SRRM4: variants seen among roughly 807,000 people sequenced by gnomAD.
SRRM4 encodes serine/arginine repetitive matrix 4, also known as serine/arginine repetitive matrix protein 4.
In SRRM4, 33 loss-of-function variants were observed where a neutral mutation model predicts 68.9. The observed-to-expected ratio is 0.48, with a 90% CI of 0.36 to 0.64. SRRM4 has a LOEUF of 0.64. Among genes scored for constraint, SRRM4 ranks in the 30% least tolerant of loss-of-function variants. The pLI, the probability that SRRM4 is intolerant of heterozygous loss-of-function variation, is 0.00. For missense variants in SRRM4, 817 were observed against 827.1 expected, an observed-to-expected ratio of 0.99 and a Z score of 0.15; for synonymous variants, 318 against 318.8, an observed-to-expected ratio of 1.00 and a Z score of 0.03.
chr12:119,120,300 C>T (rs1954211332), intron 5 of SRRM4, 24 bp downstream of exon 5: 4 of 1,550,360 alleles, frequency 2.6e-6, no homozygotes, highest in Non-Finnish European at 2.6e-6. Flanking sequence ...TCTCTGACTG[C>T]CTGTTCAATT....
intron 1 of SRRM4, among the ~76,000 whole-genome samples, chr12:119,004,647 A>G (rs1018009885): frequency 6.6e-6 from 1 of 151,900 alleles, no homozygotes; most frequent in African/African-American, 2.4e-5. Flanking sequence ...CAGGCAGGGA[A>G]ATTGATCAGA....
intron 1 of SRRM4, among the ~76,000 whole-genome samples, chr12:119,077,756 T>A (rs1379603319): frequency 6.6e-6 from 1 of 152,172 alleles, no homozygotes; most frequent in East Asian, 1.9e-4. Flanking sequence ...TGGCACACAG[T>A]AGCTATCCCA....
chr12:118,992,888 A>G (rs1305909576), intron 1 of SRRM4, among the ~76,000 whole-genome samples: 1 of 152,202 alleles, frequency 6.6e-6, no homozygotes, highest in African/African-American at 2.4e-5. Context: ...CAGTCCCAAG[A>G]CACCACACTG....
rs1052594846 is a variant in SRRM4, at chr12:119,154,227, C to T, written c.1392-16C>T. 1.9e-6 allele frequency: 3 copies of T among 1,588,496 alleles called. No individual in the cohort carries two copies. Among genetic ancestry groups the T allele is most frequent in the African/African-American group, 2.7e-5 (2 of 74,332 alleles). On this transcript the variant is annotated splice_polypyrimidine_tract_variant and intron_variant, in intron 11 of 12. Coordinates refer to ENST00000267260, the MANE Select transcript of SRRM4 (RefSeq NM_194286.4). This position sits in a 1 kb window ranked among gnomAD's most constrained non-coding sequence, Gnocchi z 4.7. ...GCCCAGCCCCAGCTCCCCAGTAACC[C>T]CCCGCGCCCCTTCAGGGAGCGGGAT...
chr12:119,061,707 G>A (rs1032847711), intron 1 of SRRM4, among the ~76,000 whole-genome samples: 3 of 152,102 alleles, frequency 2.0e-5, no homozygotes, highest in Admixed American at 1.3e-4. Flanking sequence ...CTATAACTTA[G>A]TAGTTAAAAG....
chr12:119,110,337 C>A (rs1315426071), intron 2 of SRRM4, among the ~76,000 whole-genome samples: 1 of 152,196 alleles, frequency 6.6e-6, no homozygotes, highest in Non-Finnish European at 1.5e-5. Context: ...GGGAGAACCA[C>A]TACTATCTTC....
chr12:119,080,291 A>G (rs532396836), intron 1 of SRRM4, among the ~76,000 whole-genome samples: 14 of 152,304 alleles, frequency 9.2e-5, no homozygotes, highest in Admixed American at 2.0e-4. Context: ...AAATAGGAGA[A>G]AAAATATTGT....
intron 8 of SRRM4, among the ~76,000 whole-genome samples, 174 bp downstream of exon 8, chr12:119,131,008 A>G (rs1294635832): frequency 6.6e-6 from 1 of 152,228 alleles, no homozygotes; most frequent in East Asian, 1.9e-4. Context: ...GACTTTGGCA[A>G]CACTGGCTTG....
intron 1 of SRRM4, among the ~76,000 whole-genome samples, chr12:118,996,165 T>A (rs562133118): frequency 5.2e-4 from 79 of 152,248 alleles, no homozygotes; most frequent in Non-Finnish European, 9.0e-4. Context: ...GCTCAAATTA[T>A]TTTTTTCAAG....
intron 1 of SRRM4, among the ~76,000 whole-genome samples, chr12:119,021,437 A>G (rs1404654373): frequency 2.6e-5 from 4 of 152,196 alleles, no homozygotes; most frequent in Non-Finnish European, 5.9e-5. Flanking sequence ...GGTTCAGAGA[A>G]TAAGAACACA....
intron 2 of SRRM4, among the ~76,000 whole-genome samples, chr12:119,108,708 G>A (rs957023432): frequency 4.0e-5 from 6 of 151,828 alleles, no homozygotes; most frequent in Non-Finnish European, 7.4e-5. Context: ...TTGAGCCTAT[G>A]TGTGTCTCTG....
intron 1 of SRRM4, among the ~76,000 whole-genome samples, chr12:119,076,162 T>G (rs1953914901): frequency 1.3e-5 from 2 of 152,244 alleles, no homozygotes; most frequent in South Asian, 4.2e-4. Flanking sequence ...ATGATGATGA[T>G]GATGACAATG....
intron 1 of SRRM4, among the ~76,000 whole-genome samples, chr12:118,985,824 C>T (rs953432216): frequency 6.6e-6 from 1 of 152,130 alleles, no homozygotes; most frequent in African/African-American, 2.4e-5. Flanking sequence ...ATCACCATAT[C>T]GACCAATAGT....
At chr12:118,986,567 G>T (rs150583327) in intron 1 of SRRM4, among the ~76,000 whole-genome samples, 1 of 152,106 alleles carries the variant, frequency 6.6e-6, no homozygotes, top group Non-Finnish European at 1.5e-5. Flanking sequence ...GTTCTGAGAC[G>T]CTGAGGCTTC....
At chr12:119,082,619 G>T (rs12820159) in intron 1 of SRRM4, among the ~76,000 whole-genome samples, 1,578 of 152,310 alleles carry the variant, frequency 0.01, 11 homozygotes, top group Non-Finnish European at 0.016. Flanking sequence ...TGAGATGAAG[G>T]CTTCACTTGC....
chr12:119,057,103 C>T (rs1281735370), intron 1 of SRRM4, among the ~76,000 whole-genome samples: 1 of 152,178 alleles, frequency 6.6e-6, no homozygotes, highest in Admixed American at 6.5e-5. Context: ...AGAAATGAAA[C>T]CCGCATCCTC....
intron 1 of SRRM4, among the ~76,000 whole-genome samples, chr12:119,091,749 C>G (rs763561715): frequency 6.1e-4 from 93 of 152,316 alleles, no homozygotes; most frequent in South Asian, 6.2e-4. Context: ...GCACTCCCAA[C>G]TCTCCCTGGT....
intron 1 of SRRM4, among the ~76,000 whole-genome samples, chr12:118,998,714 G>A (rs1953365061): frequency 6.6e-6 from 1 of 152,220 alleles, no homozygotes; most frequent in Non-Finnish European, 1.5e-5. Flanking sequence ...GATAATTACT[G>A]TGAAATACAT....
chr12:119,103,005 A>G (rs748018196), intron 2 of SRRM4, among the ~76,000 whole-genome samples: 11 of 152,294 alleles, frequency 7.2e-5, no homozygotes, highest in African/African-American at 2.6e-4. Flanking sequence ...TAAGTGGCAG[A>G]GTGAAGTTTT....
Sources: allele counts gnomAD v4.1 joint callset (sites outside exome capture counted in the v4.1 genomes callset), GRCh38; gene constraint gnomAD v4.1.1; non-coding constraint Gnocchi (gnomAD v3.1); transcripts MANE v1.5; gene names NCBI Gene and HGNC (gene_info 2026-07-23, HGNC 2026-07-21).